Variants in MLLT10 observed in about 807,000 individuals in gnomAD.
The protein encoded by MLLT10 is MLLT10 histone lysine methyltransferase DOT1L cofactor, also known as protein AF-10.
MLLT10 carries 30 observed loss-of-function variants against 129.1 expected under a neutral mutation model. The observed-to-expected ratio is 0.23, with a 90% CI of 0.17 to 0.32. MLLT10 has a LOEUF of 0.32. MLLT10 is among the 10% of genes least tolerant of loss of function. The pLI is 1.00. For synonymous variants in MLLT10, 490 were observed against 446.4 expected (o/e 1.10, Z -1.23); for missense variants, 1,119 against 1,268.3 (o/e 0.88, Z 1.79).
chr10:21,643,208 T>A (rs1195857213), intron 8 of MLLT10, among the ~76,000 whole-genome samples: 1 of 152,146 alleles, frequency 6.6e-6, no homozygotes, highest in East Asian at 1.9e-4. Context: ...AATTTCAGTA[T>A]TTTTAGTAGA....
intron 4 of MLLT10, among the ~76,000 whole-genome samples, chr10:21,593,264 A>AT (rs367752878): frequency 2.8e-4 from 42 of 150,260 alleles, no homozygotes; most frequent in Admixed American, 2.2e-3. Flanking sequence ...CTGACTCATT[A>AT]TTTTTTTTTG....
At chr10:21,721,331 G>A (rs17744912) in intron 14 of MLLT10, among the ~76,000 whole-genome samples, 4,474 of 152,234 alleles carry the variant, frequency 0.029, 108 homozygotes, top group Non-Finnish European at 0.045. Flanking sequence ...ATCGGTATTA[G>A]TCTTTCGAAC....
At chr10:21,680,875 G>T (rs1375291575) in intron 11 of MLLT10, among the ~76,000 whole-genome samples, 6 of 151,986 alleles carry the variant, frequency 3.9e-5, no homozygotes, top group Non-Finnish European at 1.5e-5. Context: ...GGGAGGCTGA[G>T]GTGGGAGGAT....
At position 21,612,518 on chromosome 10, in the gene MLLT10, A is replaced by G. The variant is rs902117557; in HGVS notation, c.509+67A>G. On this transcript the variant is annotated intron_variant, in intron 6 of 22. Coordinates refer to ENST00000307729, the MANE Select transcript of MLLT10 (RefSeq NM_001195626.3). ...ATACCTTGTGTAACAATCATAAGTT[A>G]AAGACTTAGATACTCAAACATTAAT... 1.1e-5 allele frequency: 10 copies of G among 913,824 alleles called. No homozygotes were observed. In the African/African-American group the frequency reaches 1.7e-4, roughly 15 times the overall value. The allele number at this position is 913,824 out of a possible 1,614,324, so 56.6% of individuals were successfully genotyped here.
chr10:21,669,924 T>G (rs533401126), intron 9 of MLLT10, among the ~76,000 whole-genome samples: 1 of 144,152 alleles, frequency 6.9e-6, no homozygotes, highest in Admixed American at 6.9e-5. Context: ...AATCTTTCTG[T>G]TTTTTTTTGC....
intron 21 of MLLT10, among the ~76,000 whole-genome samples, chr10:21,736,840 G>C (rs2058407816): frequency 6.6e-6 from 1 of 152,208 alleles, no homozygotes. Flanking sequence ...TCTGGGGTTA[G>C]TGCTGCACAG....
At chr10:21,630,125 G>A (rs1249754309) in intron 8 of MLLT10, among the ~76,000 whole-genome samples, 1 of 152,182 alleles carries the variant, frequency 6.6e-6, no homozygotes, top group Admixed American at 6.5e-5. Context: ...CTAGATGTGG[G>A]TTGAACCCTA....
At chr10:21,735,493 C>T (rs948064881) in intron 21 of MLLT10, among the ~76,000 whole-genome samples, 3 of 152,084 alleles carry the variant, frequency 2.0e-5, no homozygotes, top group Non-Finnish European at 2.9e-5. Context: ...CGTGTTTTCC[C>T]GGAGCTTCAT....
At position 21,612,217 on chromosome 10, in the gene MLLT10, A is replaced by G. The variant is rs1425537931; in HGVS notation, c.406-131A>G. On this transcript the variant is annotated intron_variant, in intron 5 of 22. Transcript: ENST00000307729. ...TATGCAAAAATTAGATTATTGTCCA[A>G]AATGAATTCATATTTTGAGTTAAGA... 3 of 538,898 alleles carry G rather than the reference A, an allele frequency of 5.6e-6. No homozygotes were observed. In the African/African-American group the frequency reaches 5.6e-5, roughly 10 times the overall value. 33.4% of individuals were successfully genotyped at this position (538,898 alleles called of 1,614,324 possible).
chr10:21,626,551 A>G (rs550785377), intron 8 of MLLT10, among the ~76,000 whole-genome samples: 1 of 152,240 alleles, frequency 6.6e-6, no homozygotes, highest in East Asian at 1.9e-4. Flanking sequence ...CCGTAACCCA[A>G]ACGCCTTTTA....
chr10:21,562,902 C>A (rs909744478), intron 3 of MLLT10, among the ~76,000 whole-genome samples: 1 of 148,320 alleles, frequency 6.7e-6, no homozygotes, highest in African/African-American at 2.5e-5. Flanking sequence ...TCACCACAGC[C>A]TCCGCCTCCT....
chr10:21,597,091 C>T (rs1167444828), intron 5 of MLLT10, among the ~76,000 whole-genome samples: 1 of 151,648 alleles, frequency 6.6e-6, no homozygotes, highest in Non-Finnish European at 1.5e-5. Context: ...AGCATTAAAA[C>T]TTACAAACAG....
chr10:21,584,100 C>T (rs1186701504), intron 3 of MLLT10, among the ~76,000 whole-genome samples: 3 of 151,696 alleles, frequency 2.0e-5, no homozygotes, highest in Non-Finnish European at 4.4e-5. Flanking sequence ...GATCTCCTGA[C>T]CCCGTGATCC....
In MLLT10 at chr10:21,596,942, C is replaced by T. The variant is rs930151264; in HGVS notation, c.405+1502C>T. On this transcript the variant is annotated intron_variant, in intron 5 of 22. Coordinates refer to ENST00000307729, the MANE Select transcript of MLLT10 (RefSeq NM_001195626.3). The stretch of plus-strand genomic sequence containing the variant: ...TTTGTAATGCAGAAGTTTACATTTT[C>T]GAGGTAATTTACACAAATGCTCTTT... Among the ~76,000 whole-genome samples the T allele has an allele frequency of 2.8e-4, 42 of 151,092 alleles. 1 individual carries two copies. The highest frequency in any genetic ancestry group is 2.1e-3 in the East Asian group (11 of 5,156).
chr10:21,683,617 G>T (rs552389674), intron 13 of MLLT10, among the ~76,000 whole-genome samples: 118 of 152,316 alleles, frequency 7.7e-4, no homozygotes, highest in African/African-American at 2.6e-3. Context: ...CCTAGTGAAT[G>T]ATGTTTACCC....
At chr10:21,635,107 C>T (rs766140118) in intron 8 of MLLT10, among the ~76,000 whole-genome samples, 4 of 152,162 alleles carry the variant, frequency 2.6e-5, no homozygotes, top group Non-Finnish European at 4.4e-5. Context: ...GTACCCCATG[C>T]GCTTACCTGT....
intron 7 of MLLT10, among the ~76,000 whole-genome samples, chr10:21,615,549 G>T (rs1027594950): frequency 1.3e-5 from 2 of 151,580 alleles, no homozygotes; most frequent in Non-Finnish European, 2.9e-5. Context: ...TAATCTGTAG[G>T]AAACTTTATA....
chr10:21,587,990 AATATT>A (rs538743362), intron 4 of MLLT10, among the ~76,000 whole-genome samples: 118 of 152,306 alleles, frequency 7.7e-4, no homozygotes, highest in African/African-American at 2.6e-3. Flanking sequence ...CAAATGGGTT[AATATT>A]ATATACTCTT....
At chr10:21,736,872 G>C (rs1349652923) in intron 21 of MLLT10, among the ~76,000 whole-genome samples, 1 of 152,158 alleles carries the variant, frequency 6.6e-6, no homozygotes, top group African/African-American at 2.4e-5. Context: ...CATCAGATTT[G>C]ATGCGGACTC....
Sources: gnomAD v4.1 joint callset for allele counts (sites outside exome capture counted in the v4.1 genomes callset) on GRCh38, gnomAD v4.1.1 for gene constraint, MANE v1.5 for transcripts, NCBI Gene and HGNC (gene_info 2026-07-23, HGNC 2026-07-21) for gene names.